UROC1: variants seen among roughly 807,000 people sequenced by gnomAD.
UROC1 encodes urocanate hydratase 1.
In UROC1, 79 loss-of-function variants were observed where a neutral mutation model predicts 89.5. That is an observed-to-expected ratio of 0.88 (90% CI 0.74 to 1.06). UROC1 has a LOEUF of 1.06. Ranked by LOEUF, UROC1 falls within the 50% of genes least tolerant of loss-of-function variation. The pLI, the probability that UROC1 is intolerant of heterozygous loss-of-function variation, is 0.00. For missense variants in UROC1, 885 were observed against 907.8 expected (o/e 0.97, Z 0.32); for synonymous variants, 361 against 354.8 (o/e 1.02, Z -0.20).
chr3:126,510,922 C>A, intron 1 of UROC1, 128 bp from the exon 2 acceptor site: 1 of 1,402,728 alleles, frequency 7.1e-7, no homozygotes, highest in East Asian at 2.5e-5. Context: ...GTTGCCCACC[C>A]AGAGACTGTT....
intron 15 of UROC1, among the ~76,000 whole-genome samples, chr3:126,494,571 G>A (rs566565629): frequency 6.6e-6 from 1 of 152,316 alleles, no homozygotes; most frequent in East Asian, 1.9e-4. Flanking sequence ...CTGGCCCTGG[G>A]ACTCCTGGGC....
At chr3:126,513,307 G>A (rs1437936520) in intron 1 of UROC1, among the ~76,000 whole-genome samples, 2 of 152,224 alleles carry the variant, frequency 1.3e-5, no homozygotes, top group Non-Finnish European at 2.9e-5. Flanking sequence ...AAATGGCTTG[G>A]CTTCATTTGA....
intron 3 of UROC1, 131 bp from the exon 4 acceptor site, chr3:126,508,606 C>T (rs1197187680): frequency 2.6e-5 from 18 of 703,264 alleles, no homozygotes; most frequent in Non-Finnish European, 4.0e-5. Context: ...GGGTGAGGCC[C>T]AGGGACGGAC....
At chr3:126,499,673 G>A (rs540241866) in intron 12 of UROC1, among the ~76,000 whole-genome samples, 8 of 152,336 alleles carry the variant, frequency 5.3e-5, no homozygotes, top group African/African-American at 1.9e-4. Flanking sequence ...AGACAGGGCT[G>A]GGGGGGCTTC....
At position 126,492,327 on chromosome 3, in the gene UROC1, T is replaced by C. The variant is rs1037187586; in HGVS notation, c.1608+91A>G. The C allele has an allele frequency of 2.1e-5, 26 of 1,255,636 alleles. No individual in the cohort carries two copies. In the African/African-American group the frequency reaches 2.7e-4, roughly 13 times the overall value. 77.8% of individuals were successfully genotyped at this position (1,255,636 alleles called of 1,614,324 possible). A position where few individuals can be genotyped will look rare whatever the true frequency, so the allele number is the denominator to read the frequency against. On this transcript the variant is annotated intron_variant, in intron 16 of 19. Coordinates refer to ENST00000290868, the MANE Select transcript of UROC1 (RefSeq NM_144639.3). ...TCTCCCCACCCAGAAGGCTGTGGGG[T>C]GCAGCCGAGGCACACGCAGGAAGGC...
intron 19 of UROC1, among the ~76,000 whole-genome samples, chr3:126,482,764 C>G (rs1262752753): frequency 1.3e-5 from 2 of 152,104 alleles, no homozygotes; most frequent in Non-Finnish European, 2.9e-5. Flanking sequence ...TCCCTCCCTT[C>G]TAGAATCCAC....
chr3:126,486,319 G>A (rs756295538), intron 18 of UROC1, among the ~76,000 whole-genome samples: 4 of 152,234 alleles, frequency 2.6e-5, no homozygotes, highest in Admixed American at 6.5e-5. Flanking sequence ...TCCCAATAGG[G>A]AAAGGAGATC....
At chr3:126,482,606 T>C (rs745953551) in intron 19 of UROC1, 121 bp from the exon 20 acceptor site, 17 of 1,434,038 alleles carry the variant, frequency 1.2e-5, no homozygotes, top group Non-Finnish European at 1.6e-5. Context: ...TGGGGACAGC[T>C]GCCCTTTTGT....
At chr3:126,510,869 T>C in intron 1 of UROC1, 75 bp from the exon 2 acceptor site, 1 of 1,566,978 alleles carries the variant, frequency 6.4e-7, no homozygotes, top group Non-Finnish European at 8.6e-7. Context: ...CGATGGGCCA[T>C]CCTCCTCCCA....
In UROC1 at chr3:126,482,273, G is replaced by A; in HGVS notation, c.*72C>T. The A allele has an allele frequency of 1.3e-6, 2 of 1,597,272 alleles. No homozygotes were observed. Among genetic ancestry groups the A allele is most frequent in the Non-Finnish European group, 1.7e-6 (2 of 1,169,574 alleles). ...CAGGTAGTGCGGGTGTGCAGGAAGG[G>A]TGTGTGCCATGGCTGGGCAGGTGAG... On this transcript the variant is annotated 3_prime_UTR_variant, in exon 20 of 20. Transcript: ENST00000290868.
chr3:126,507,812 G>A lies in UROC1; in HGVS notation c.541-9C>T, dbSNP rs763668984. The A allele has an allele frequency of 8.1e-6, 13 of 1,614,168 alleles. No individual in the cohort carries two copies. The highest frequency in any genetic ancestry group is 1.1e-5 in the Non-Finnish European group (13 of 1,180,030). ...GAGTAGTTGGGAATGACCTGGAGAA[G>A]AGGATGGGGGCAGACAGAGGGGCTG... On this transcript the variant is annotated splice_polypyrimidine_tract_variant and intron_variant, in intron 5 of 19. Transcript: ENST00000290868.
chr3:126,497,140 T>A (rs1935795092), intron 14 of UROC1, among the ~76,000 whole-genome samples: 1 of 151,860 alleles, frequency 6.6e-6, no homozygotes, highest in Non-Finnish European at 1.5e-5. Flanking sequence ...TCTGCCTGGC[T>A]CTCCTACTCT....
At chr3:126,490,978 G>A (rs1394202134) in intron 16 of UROC1, among the ~76,000 whole-genome samples, 2 of 152,140 alleles carry the variant, frequency 1.3e-5, no homozygotes, top group Admixed American at 6.5e-5. Context: ...CCTCTCCAGG[G>A]GATCTCAAAA....
chr3:126,484,195 A>G (rs1288212999), intron 18 of UROC1, among the ~76,000 whole-genome samples: 1 of 152,044 alleles, frequency 6.6e-6, no homozygotes, highest in Admixed American at 6.6e-5. Context: ...TCTTGGTTTC[A>G]TTTGTTTCCT....
chr3:126,511,065 A>ATGGC (rs1447593662), intron 1 of UROC1, among the ~76,000 whole-genome samples: 1 of 151,794 alleles, frequency 6.6e-6, no homozygotes, highest in Non-Finnish European at 1.5e-5. Context: ...TGTTCTGGGG[A>ATGGC]TGGCGCTGCT....
chr3:126,494,644 T>C (rs1033519979), intron 15 of UROC1, among the ~76,000 whole-genome samples: 22 of 152,328 alleles, frequency 1.4e-4, no homozygotes, highest in Admixed American at 1.4e-3. Flanking sequence ...GCCCACTTTT[T>C]CTTCTGTTTT....
At chr3:126,513,114 G>A (rs898120117) in intron 1 of UROC1, among the ~76,000 whole-genome samples, 21 of 151,514 alleles carry the variant, frequency 1.4e-4, no homozygotes, top group Non-Finnish European at 2.6e-4. Context: ...AGCCTGCAAC[G>A]TTGTTCAGCC....
Position 126,482,398 on chromosome 3 carries a change from G to A in UROC1, c.1978C>T (p.Leu660=). The change falls in exon 20 of 20, where the codon CTG becomes TTG. Residue 660 remains leucine (L), a synonymous_variant. Transcript: ENST00000290868. ...CGCTCGTCCTCCACCTTGTGAGGCA[G>A]TGTCACCACCAAGGTGCTGTTCTCC... ...MQENSTLVVT[L]PHKVEDERVL... The A allele has an allele frequency of 6.2e-7, 1 of 1,613,972 alleles. No individual in the cohort carries two copies. Among genetic ancestry groups the A allele is most frequent in the Non-Finnish European group, 8.5e-7 (1 of 1,179,996 alleles).
Position 126,500,759 on chromosome 3 carries a change from A to G in UROC1, c.1081T>C (p.Phe361Leu). Reference protein sequence around the residue: ...NGGYYPVQLSFTEAQSLMASN... With the variant: ...NGGYYPVQLSLTEAQSLMASN... ...GCCATGAGGCTCTGGGCCTCCGTGAAGCTGAGCTGCACAGGGTAGTAGCCG... is the reference window on the plus strand; with the variant it reads ...GCCATGAGGCTCTGGGCCTCCGTGAGGCTGAGCTGCACAGGGTAGTAGCCG... Residue 361 changes from phenylalanine (F) to leucine (L), a missense_variant, in exon 11 of 20, where the codon TTC (phenylalanine) becomes CTC (leucine). Coordinates refer to ENST00000290868, the MANE Select transcript of UROC1 (RefSeq NM_144639.3). 6.2e-7 allele frequency: 1 copy of G among 1,614,118 alleles called. No individual in the cohort carries two copies.
Sources: allele counts gnomAD v4.1 joint callset (sites outside exome capture counted in the v4.1 genomes callset), GRCh38; gene constraint gnomAD v4.1.1; transcripts MANE v1.5; gene names NCBI Gene and HGNC (gene_info 2026-07-23, HGNC 2026-07-21).